LAMA2: variants seen among roughly 807,000 people sequenced by gnomAD.
LAMA2 encodes laminin subunit alpha-2.
Under a neutral mutation model 364.8 loss-of-function variants are expected in LAMA2, and 269 were observed. The ratio of observed to expected loss-of-function variants is 0.74; its 90% CI spans 0.67 to 0.82. LAMA2 has a LOEUF of 0.82. LAMA2 is among the 40% of genes least tolerant of loss of function. The probability of loss-of-function intolerance (pLI) is 0.00; values close to 1 mark genes in which losing one functional copy is unlikely to be tolerated. For missense variants in LAMA2, 3,807 were observed against 3,873.2 expected (o/e 0.98, Z 0.45); for synonymous variants, 1,379 against 1,370.6 (o/e 1.01, Z -0.14).
intron 9 of LAMA2, among the ~76,000 whole-genome samples, chr6:129,175,630 G>C (rs1383083621): frequency 6.6e-6 from 1 of 152,150 alleles, no homozygotes; most frequent in Non-Finnish European, 1.5e-5. Flanking sequence ...TCGTAAGTGG[G>C]AGTTGAACAA....
chr6:129,427,323 G>A (rs1004919161), intron 40 of LAMA2, among the ~76,000 whole-genome samples: 6 of 152,180 alleles, frequency 3.9e-5, no homozygotes, highest in African/African-American at 7.2e-5. Flanking sequence ...GATAAAGTCA[G>A]GGGATGTGTT....
intron 11 of LAMA2, 70 bp from the exon 12 acceptor site, chr6:129,192,610 G>T: frequency 6.9e-7 from 1 of 1,450,800 alleles, no homozygotes; most frequent in South Asian, 1.2e-5. Flanking sequence ...ACACGACCAG[G>T]AACATGAAAG....
In LAMA2 at chr6:129,255,936, G is replaced by T. The variant is rs190695603; in HGVS notation, c.2096+3641G>T. Reference sequence around the variant, plus strand: ...AGGTGCAGCCAACATTTTACCCTACGTTTCCTTCCCATTATCTTTGACTAC... The same window carrying T: ...AGGTGCAGCCAACATTTTACCCTACTTTTCCTTCCCATTATCTTTGACTAC... On this transcript the variant is annotated intron_variant, in intron 14 of 64. Coordinates refer to ENST00000421865, the MANE Select transcript of LAMA2 (RefSeq NM_000426.4). 1.3e-4 allele frequency among the ~76,000 whole-genome samples: 20 copies of T among 152,190 alleles called. No homozygotes were observed. The East Asian group carries it at 3.7e-3, about 28-fold the overall frequency.
intron 29 of LAMA2, among the ~76,000 whole-genome samples, chr6:129,341,543 G>GT (rs1177152041): frequency 1.3e-5 from 2 of 152,160 alleles, no homozygotes; most frequent in Non-Finnish European, 2.9e-5. Context: ...TTGTCAGGTG[G>GT]TTTTTTTAAA....
chr6:128,895,019 G>T (rs1389493001), intron 1 of LAMA2, among the ~76,000 whole-genome samples: 3 of 152,164 alleles, frequency 2.0e-5, no homozygotes, highest in Admixed American at 2.0e-4. Flanking sequence ...CTCACTGCCT[G>T]CCTCTTCACC....
intron 12 of LAMA2, among the ~76,000 whole-genome samples, chr6:129,205,006 A>G (rs1332477249): frequency 1.3e-5 from 2 of 152,184 alleles, no homozygotes; most frequent in Non-Finnish European, 2.9e-5. Flanking sequence ...AACCAAATGA[A>G]TAACACATGC....
At chr6:128,952,040 G>A (rs1414940351) in intron 1 of LAMA2, among the ~76,000 whole-genome samples, 1 of 152,044 alleles carries the variant, frequency 6.6e-6, no homozygotes, top group Non-Finnish European at 1.5e-5. Flanking sequence ...AGTGGCACAT[G>A]TCTGTAGTCC....
intron 1 of LAMA2, among the ~76,000 whole-genome samples, chr6:128,904,448 C>CTT (rs1777287151): frequency 7.0e-6 from 1 of 142,774 alleles, no homozygotes; most frequent in African/African-American, 2.6e-5. Flanking sequence ...TATTTTTTTC[C>CTT]TTTCTTTTTT....
At chr6:128,992,104 C>T (rs1054523201) in intron 1 of LAMA2, among the ~76,000 whole-genome samples, 2 of 152,170 alleles carry the variant, frequency 1.3e-5, no homozygotes, top group African/African-American at 2.4e-5. Context: ...AGTTGCAACT[C>T]TTTCAGTTTC....
At chr6:128,934,414 G>A (rs1779685567) in intron 1 of LAMA2, among the ~76,000 whole-genome samples, 1 of 151,438 alleles carries the variant, frequency 6.6e-6, no homozygotes, top group African/African-American at 2.4e-5. Context: ...TGGATATTTT[G>A]GGTCATTTGT....
In LAMA2 at chr6:129,070,428, T is replaced by C. The variant is rs147925483; in HGVS notation, c.396+10532T>C. Among the ~76,000 whole-genome samples, 59 of 152,246 alleles carry C rather than the reference T, an allele frequency of 3.9e-4. No homozygotes were observed. In the East Asian group the frequency reaches 0.01, roughly 27 times the overall value. ...TGATACCTATGAGGTTCACTTTGTA[T>C]ATCACCTAAGAATATTATTTTACTC... On this transcript the variant is annotated intron_variant, in intron 3 of 64. Coordinates refer to ENST00000421865, the MANE Select transcript of LAMA2 (RefSeq NM_000426.4).
At chr6:129,070,570 A>G (rs560845616) in intron 3 of LAMA2, among the ~76,000 whole-genome samples, 3 of 151,906 alleles carry the variant, frequency 2.0e-5, no homozygotes, top group African/African-American at 7.3e-5. Context: ...TGTTGTCATG[A>G]TATCCTCCAG....
At position 129,460,241 on chromosome 6, in the gene LAMA2, G is replaced by A. The variant is rs2114801260; in HGVS notation, c.6909G>A (p.Met2303Ile). 8.1e-6 allele frequency: 13 copies of A among 1,611,774 alleles called. No individual in the cohort carries two copies. The highest frequency in any genetic ancestry group is 1.1e-5 in the Non-Finnish European group (13 of 1,178,312). ...AVRVITFTGC[M>I]GETYFDNKPI... is the part of the protein sequence containing the mutation. ...GTGTGATTACATTCACTGGCTGCAT[G>A]GGAGAAACATACTTTGACAACAAAC... Residue 2303 changes from methionine (M) to isoleucine (I), a missense_variant, in exon 49 of 65, where the codon ATG becomes ATA. Met to Ile is a conservative substitution (Grantham distance 10, BLOSUM62 1). Around this residue, in one of 3 missense-constraint regions of LAMA2, gnomAD observed 3,333 missense variants for 3,345.7 expected, o/e 1.00. Transcript: ENST00000421865.
At chr6:129,059,742 A>C (rs767786475) in intron 2 of LAMA2, 42 bp from the exon 3 acceptor site, 15 of 1,224,968 alleles carry the variant, frequency 1.2e-5, no homozygotes, top group Non-Finnish European at 1.8e-5. Context: ...TAGTTATATG[A>C]TCTTTTCTTC....
chr6:128,917,636 A>G (rs1231918887), intron 1 of LAMA2, among the ~76,000 whole-genome samples: 1 of 150,082 alleles, frequency 6.7e-6, no homozygotes, highest in African/African-American at 2.5e-5. Context: ...TATAAGAATT[A>G]TTTCATTTTC....
chr6:129,483,864 A>T (rs1784473037), intron 55 of LAMA2, among the ~76,000 whole-genome samples: 1 of 152,246 alleles, frequency 6.6e-6, no homozygotes, highest in South Asian at 2.1e-4. Context: ...TTTAAAAAAG[A>T]CAACAGTGAA....
chr6:129,158,134 C>T, intron 8 of LAMA2: 1 of 1,612,470 alleles, frequency 6.2e-7, no homozygotes, highest in South Asian at 1.1e-5. Context: ...TTAAGCAGGG[C>T]TCTGGTGTCC....
intron 1 of LAMA2, among the ~76,000 whole-genome samples, chr6:129,006,144 G>T (rs1784432701): frequency 6.6e-6 from 1 of 151,954 alleles, no homozygotes; most frequent in Admixed American, 6.6e-5. Context: ...ATCTATAATT[G>T]AATAAATAAT....
intron 1 of LAMA2, among the ~76,000 whole-genome samples, chr6:128,982,031 T>G (rs1462412122): frequency 6.6e-6 from 1 of 152,192 alleles, no homozygotes; most frequent in Non-Finnish European, 1.5e-5. Flanking sequence ...CCTGCTTGTC[T>G]TCTTTACTGC....
Sources: allele counts gnomAD v4.1 joint callset (sites outside exome capture counted in the v4.1 genomes callset), GRCh38; gene constraint gnomAD v4.1.1; regional missense constraint gnomAD v4.1.1; transcripts MANE v1.5; gene names NCBI Gene and HGNC (gene_info 2026-07-23, HGNC 2026-07-21).